The following ZMYM2 variants were observed in gnomAD, a reference collection of about 807,000 sequenced individuals.
ZMYM2 encodes the protein zinc finger MYM-type protein 2.
Under a neutral mutation model 162.8 loss-of-function variants are expected in ZMYM2, and 56 were observed. The observed-to-expected ratio is 0.34, with a 90% confidence interval of 0.28 to 0.43. ZMYM2 has a LOEUF of 0.43. Ranked by LOEUF, ZMYM2 falls within the 20% of genes least tolerant of loss-of-function variation. The pLI, the probability that ZMYM2 is intolerant of heterozygous loss-of-function variation, is 1.00. For missense variants in ZMYM2, 1,275 were observed against 1,621.8 expected, an observed-to-expected ratio of 0.79 and a Z score of 3.67; for synonymous variants, 510 against 541.6, an observed-to-expected ratio of 0.94 and a Z score of 0.81.
chr13:19,999,600 C>T (rs1161130080), intron 3 of ZMYM2, among the ~76,000 whole-genome samples: 2 of 152,120 alleles, frequency 1.3e-5, no homozygotes, highest in Admixed American at 1.3e-4. Context: ...GCTAAGTGTT[C>T]AAGTGAAAGA....
upstream of ZMYM2, among the ~76,000 whole-genome samples, chr13:19,958,455 C>T (rs1434126363): frequency 6.6e-6 from 1 of 152,036 alleles, no homozygotes; most frequent in African/African-American, 2.4e-5. Context: ...CCCTGGCAGA[C>T]CCGGTGGGTG....
chr13:20,036,532 T>C (rs1417825368), intron 11 of ZMYM2, among the ~76,000 whole-genome samples: 1 of 152,186 alleles, frequency 6.6e-6, no homozygotes, highest in Non-Finnish European at 1.5e-5. Context: ...CTTGAAACAT[T>C]ATTTTAACCC....
the ZMYM2 span, among the ~76,000 whole-genome samples, chr13:19,931,971 AG>A: frequency 2.0e-5 from 3 of 152,162 alleles, no homozygotes; most frequent in African/African-American, 7.2e-5. Flanking sequence ...ATTTCCAAAA[AG>A]GTAGTACTTA....
At chr13:19,933,695 C>A in the ZMYM2 span, among the ~76,000 whole-genome samples, 1 of 152,168 alleles carries the variant, frequency 6.6e-6, no homozygotes, top group East Asian at 1.9e-4. Context: ...AATTCTGGAG[C>A]TGTCCTGGCC....
the ZMYM2 span, among the ~76,000 whole-genome samples, chr13:19,921,946 C>T: frequency 6.6e-6 from 1 of 151,826 alleles, no homozygotes; most frequent in African/African-American, 2.4e-5. Context: ...TGGAATCTCA[C>T]TTTGTCGCCC....
At chr13:20,041,547 A>G (rs1442657186) in intron 12 of ZMYM2, among the ~76,000 whole-genome samples, 4 of 152,162 alleles carry the variant, frequency 2.6e-5, no homozygotes, top group South Asian at 2.1e-4. Flanking sequence ...GCCTGTTTAC[A>G]TTTAAGGTTA....
At chr13:19,934,603 T>C in the ZMYM2 span, among the ~76,000 whole-genome samples, 1 of 152,082 alleles carries the variant, frequency 6.6e-6, no homozygotes, top group Non-Finnish European at 1.5e-5. Context: ...TAGTTTGGAG[T>C]TTTATGGATA....
chr13:19,908,861 G>T, the ZMYM2 span, among the ~76,000 whole-genome samples: 1 of 152,188 alleles, frequency 6.6e-6, no homozygotes, highest in African/African-American at 2.4e-5. Flanking sequence ...CAGAGAGAAT[G>T]TCAGTGAAAA....
chr13:20,019,372 T>TC (rs1951885184), intron 6 of ZMYM2, among the ~76,000 whole-genome samples, 175 bp from the exon 7 acceptor site: 1 of 152,218 alleles, frequency 6.6e-6, no homozygotes, highest in East Asian at 1.9e-4. Context: ...TGATAATTCT[T>TC]TAAGTTGGGC....
chr13:19,891,060 C>T, the ZMYM2 span, among the ~76,000 whole-genome samples: 1 of 147,162 alleles, frequency 6.8e-6, no homozygotes, highest in Non-Finnish European at 1.5e-5. Context: ...GATTGTATCT[C>T]CCCCAAAATG....
chr13:20,022,424 T>G (rs959464632), intron 7 of ZMYM2, among the ~76,000 whole-genome samples: 3 of 152,152 alleles, frequency 2.0e-5, no homozygotes, highest in Non-Finnish European at 2.9e-5. Flanking sequence ...TGTTTTCCAT[T>G]ATTGTGTGTT....
At chr13:20,062,536 G>T (rs1956309156) in intron 17 of ZMYM2, among the ~76,000 whole-genome samples, 1 of 152,112 alleles carries the variant, frequency 6.6e-6, no homozygotes, top group South Asian at 2.1e-4. Flanking sequence ...TTGACAAAAA[G>T]TTGCTTTTAG....
At chr13:19,930,305 G>C in the ZMYM2 span, among the ~76,000 whole-genome samples, 2 of 151,964 alleles carry the variant, frequency 1.3e-5, no homozygotes, top group African/African-American at 4.8e-5. Context: ...GGAGGCTGAG[G>C]CATTAGAATC....
intron 9 of ZMYM2, among the ~76,000 whole-genome samples, chr13:20,027,818 T>A (rs1952721870): frequency 6.6e-6 from 1 of 152,118 alleles, no homozygotes; most frequent in Non-Finnish European, 1.5e-5. Context: ...AAGAAAGACT[T>A]GCTAACATAG....
At chr13:20,015,958 GA>G (rs948435470) in intron 6 of ZMYM2, among the ~76,000 whole-genome samples, 3 of 151,678 alleles carry the variant, frequency 2.0e-5, no homozygotes, top group African/African-American at 4.8e-5. Context: ...GACAGAATAG[GA>G]AAAAAATGAT....
intron 9 of ZMYM2, among the ~76,000 whole-genome samples, chr13:20,027,671 C>T (rs1952708734): frequency 6.6e-6 from 1 of 151,972 alleles, no homozygotes; most frequent in African/African-American, 2.4e-5. Flanking sequence ...ATGTATTTAG[C>T]CTAGAAGTGA....
At chr13:19,983,066 T>C (rs1379578483) in intron 2 of ZMYM2, among the ~76,000 whole-genome samples, 4 of 152,248 alleles carry the variant, frequency 2.6e-5, no homozygotes, top group African/African-American at 9.6e-5. Context: ...TCACTGTCTA[T>C]AATAGTTTTT....
chr13:19,999,345 A>G (rs1293850991), intron 3 of ZMYM2, among the ~76,000 whole-genome samples: 2 of 152,142 alleles, frequency 1.3e-5, no homozygotes, highest in Non-Finnish European at 1.5e-5. Context: ...TCTGTTTCAC[A>G]TTTTGGTAAT....
intron 2 of ZMYM2, among the ~76,000 whole-genome samples, chr13:19,985,566 G>A (rs1949065058): frequency 6.6e-6 from 1 of 152,088 alleles, no homozygotes; most frequent in Non-Finnish European, 1.5e-5. Context: ...CTGTGGCCAG[G>A]CACAGTGGCG....
Sources: allele counts gnomAD v4.1 joint callset (sites outside exome capture counted in the v4.1 genomes callset), GRCh38; gene constraint gnomAD v4.1.1; transcripts MANE v1.5; gene names NCBI Gene and HGNC (gene_info 2026-07-23, HGNC 2026-07-21).